The following MSRB3 variants were observed in gnomAD, a reference collection of about 807,000 sequenced individuals.
MSRB3 encodes the protein methionine-R-sulfoxide reductase B3.
MSRB3 carries 13 observed loss-of-function variants against 21.0 expected under a neutral mutation model. The observed-to-expected ratio is 0.62, with a 90% CI of 0.40 to 0.98. The LOEUF is 0.98. Ranked by LOEUF, MSRB3 falls within the 50% of genes least tolerant of loss-of-function variation. The probability of loss-of-function intolerance (pLI) is 0.00; values close to 1 mark genes in which losing one functional copy is unlikely to be tolerated. For synonymous variants in MSRB3, 87 were observed against 88.6 expected, an observed-to-expected ratio of 0.98 and a Z score of 0.10; for missense variants, 199 against 230.3, an observed-to-expected ratio of 0.86 and a Z score of 0.88.
At chr12:65,374,392 CTTCT>C (rs1237113782) in intron 5 of MSRB3, among the ~76,000 whole-genome samples, 1 of 152,114 alleles carries the variant, frequency 6.6e-6, no homozygotes, top group Non-Finnish European at 1.5e-5. Context: ...GATACAATTC[CTTCT>C]GTCATGGAAT....
At chr12:65,456,831 C>A (rs993515341) in intron 6 of MSRB3, among the ~76,000 whole-genome samples, 1 of 152,190 alleles carries the variant, frequency 6.6e-6, no homozygotes, top group Admixed American at 6.5e-5. Context: ...GGTATGTGTG[C>A]CACACCCTTG....
chr12:65,427,936 T>C (rs915144905), intron 5 of MSRB3, among the ~76,000 whole-genome samples: 2 of 152,140 alleles, frequency 1.3e-5, no homozygotes, highest in African/African-American at 4.8e-5. Context: ...GTGTCTGAAA[T>C]GTGGACAAAC....
At chr12:65,366,295 A>T (rs554813140) in intron 4 of MSRB3, among the ~76,000 whole-genome samples, 4 of 151,996 alleles carry the variant, frequency 2.6e-5, no homozygotes, top group African/African-American at 9.7e-5. Context: ...ACTTTTGGCC[A>T]CTCCTTGGAC....
rs1315534347 is a variant in MSRB3, at chr12:65,398,084, T to C, written c.292+29058T>C. On this transcript the variant is annotated intron_variant, in intron 5 of 6. Transcript: ENST00000308259. The stretch of plus-strand genomic sequence containing the variant: ...CAATAAACATACGTGTACATATGTC[T>C]TTATAGTAGAATGATTTATAATCCT... 3.3e-5 allele frequency among the ~76,000 whole-genome samples: 5 copies of C among 152,226 alleles called. No homozygotes were observed. The East Asian group carries it at 9.6e-4, about 29-fold the overall frequency.
intron 2 of MSRB3, among the ~76,000 whole-genome samples, chr12:65,313,765 C>T (rs992014104): frequency 6.6e-6 from 1 of 152,038 alleles, no homozygotes; most frequent in African/African-American, 2.4e-5. Flanking sequence ...TTTATCTTAC[C>T]TAATTTCTTT....
chr12:65,322,278 C>A (rs548776520), intron 2 of MSRB3, among the ~76,000 whole-genome samples: 1 of 152,064 alleles, frequency 6.6e-6, no homozygotes, highest in Non-Finnish European at 1.5e-5. Context: ...CTTTTTCCCC[C>A]TTATTATTTT....
chr12:65,335,614 G>GATGCAACTTTTCCCTC (rs1875714434), intron 4 of MSRB3, among the ~76,000 whole-genome samples: 1 of 152,140 alleles, frequency 6.6e-6, no homozygotes, highest in Non-Finnish European at 1.5e-5. Flanking sequence ...GCAATTTTGT[G>GATGCAACTTTTCCCTC]TGTGTGTGTG....
chr12:65,399,067 T>C (rs1879974263), intron 5 of MSRB3, among the ~76,000 whole-genome samples: 1 of 152,182 alleles, frequency 6.6e-6, no homozygotes, highest in South Asian at 2.1e-4. Flanking sequence ...TTCTTTTTGC[T>C]TAGGATTGTC....
At chr12:65,327,895 A>T (rs571053975) in intron 3 of MSRB3, among the ~76,000 whole-genome samples, 1 of 152,336 alleles carries the variant, frequency 6.6e-6, no homozygotes, top group South Asian at 2.1e-4. Flanking sequence ...TAGCAAAATG[A>T]TTTAATGCAC....
Position 65,385,574 on chromosome 12 carries a change from A to T in MSRB3, c.292+16548A>T, listed in dbSNP as rs548670235. On this transcript the variant is annotated intron_variant, in intron 5 of 6. Transcript: ENST00000308259. The stretch of plus-strand genomic sequence containing the variant: ...TGCTTTTAATTTTCATTATTTCTAA[A>T]TTTAAACTCCCACAAAATTAAATAA... 3.9e-5 allele frequency among the ~76,000 whole-genome samples: 6 copies of T among 152,114 alleles called. 1 individual carries two copies. In the South Asian group the frequency reaches 1.2e-3, roughly 32 times the overall value.
At chr12:65,437,256 A>G (rs1882161711) in intron 5 of MSRB3, among the ~76,000 whole-genome samples, 1 of 151,862 alleles carries the variant, frequency 6.6e-6, no homozygotes, top group Non-Finnish European at 1.5e-5. Flanking sequence ...AAGGAGATTT[A>G]TGGACTTCAA....
intron 6 of MSRB3, among the ~76,000 whole-genome samples, chr12:65,455,570 T>C (rs1298806549): frequency 9.2e-5 from 14 of 152,214 alleles, no homozygotes. Flanking sequence ...AAGAGAGCAA[T>C]TAAACTTGGG....
At chr12:65,445,826 AG>A (rs1711962401) in intron 5 of MSRB3, among the ~76,000 whole-genome samples, 1 of 151,832 alleles carries the variant, frequency 6.6e-6, no homozygotes, top group Non-Finnish European at 1.5e-5. Flanking sequence ...CTGTATTTTT[AG>A]TAAAGATGGG....
At chr12:65,396,704 A>AAAAAGAAAG (rs1383726558) in intron 5 of MSRB3, among the ~76,000 whole-genome samples, 98 of 54,094 alleles carry the variant, frequency 1.8e-3, no homozygotes, top group Middle Eastern at 7.2e-3. Context: ...AAAAAAAAAA[A>AAAAAGAAAG]AAAGAAAGAA....
chr12:65,285,462 G>A (rs1872283944), intron 1 of MSRB3: 1 of 152,144 alleles, frequency 6.6e-6, no homozygotes, highest in Non-Finnish European at 1.5e-5. Flanking sequence ...TTTTATGAGA[G>A]GGCTTTATTT....
chr12:65,412,324 GAAGAAT>G (rs1880757575), intron 5 of MSRB3, among the ~76,000 whole-genome samples: 1 of 152,062 alleles, frequency 6.6e-6, no homozygotes. Context: ...GGCCCTAATA[GAAGAAT>G]AAGTAGTTAC....
chr12:65,418,669 C>T, intron 5 of MSRB3: 5 of 646,148 alleles, frequency 7.7e-6, no homozygotes, highest in South Asian at 3.6e-5. Flanking sequence ...TTTTTAACCT[C>T]TGAACTTTTT....
At chr12:65,313,790 G>T (rs538091198) in intron 2 of MSRB3, among the ~76,000 whole-genome samples, 1 of 152,120 alleles carries the variant, frequency 6.6e-6, no homozygotes, top group East Asian at 1.9e-4. Flanking sequence ...ATATTAAAAT[G>T]CCGAGGAGAG....
At chr12:65,291,292 G>C (rs927801540) in intron 1 of MSRB3, among the ~76,000 whole-genome samples, 12 of 151,676 alleles carry the variant, frequency 7.9e-5, no homozygotes, top group African/African-American at 2.9e-4. Flanking sequence ...CTCCATGTTG[G>C]GCAGGGTGGT....
Sources: allele counts gnomAD v4.1 joint callset (sites outside exome capture counted in the v4.1 genomes callset), GRCh38; gene constraint gnomAD v4.1.1; transcripts MANE v1.5; gene names NCBI Gene and HGNC (gene_info 2026-07-23, HGNC 2026-07-21).